Variants in THSD4 observed in about 807,000 individuals in gnomAD.
The protein encoded by THSD4 is thrombospondin type-1 domain-containing protein 4.
Under a neutral mutation model 119.0 loss-of-function variants are expected in THSD4, and 69 were observed. The ratio of observed to expected loss-of-function variants is 0.58; its 90% confidence interval spans 0.48 to 0.71. THSD4 has a LOEUF of 0.71. Ranked by LOEUF, THSD4 falls within the 30% of genes least tolerant of loss-of-function variation. The probability of loss-of-function intolerance (pLI) is 0.00; values close to 1 mark genes in which losing one functional copy is unlikely to be tolerated. For missense variants in THSD4, 1,393 were observed against 1,391.1 expected (o/e 1.00, Z -0.02); for synonymous variants, 524 against 540.4 (o/e 0.97, Z 0.42).
intron 7 of THSD4, among the ~76,000 whole-genome samples, chr15:71,518,897 C>T (rs1454149744): frequency 6.6e-6 from 1 of 152,158 alleles, no homozygotes; most frequent in Non-Finnish European, 1.5e-5. Context: ...AAAGGCAACA[C>T]TCCTGATCTT....
intron 7 of THSD4, among the ~76,000 whole-genome samples, chr15:71,631,600 A>G (rs942692740): frequency 1.3e-5 from 2 of 152,216 alleles, no homozygotes; most frequent in African/African-American, 2.4e-5. Context: ...AGTAGGATGT[A>G]TCTTAGAGAT....
intron 7 of THSD4, among the ~76,000 whole-genome samples, chr15:71,614,500 G>A (rs556136327): frequency 1.3e-3 from 198 of 152,198 alleles, no homozygotes; most frequent in African/African-American, 4.6e-3. Context: ...ACCTATCCCC[G>A]ATGACCTAAC....
At chr15:71,423,494 A>C (rs1005016123) in intron 7 of THSD4, among the ~76,000 whole-genome samples, 1 of 152,164 alleles carries the variant, frequency 6.6e-6, no homozygotes, top group African/African-American at 2.4e-5. Context: ...GTCTTCTGGG[A>C]ACTACGGCCT....
At chr15:71,142,313 C>T (rs1416982126) in intron 2 of THSD4, among the ~76,000 whole-genome samples, 1 of 152,056 alleles carries the variant, frequency 6.6e-6, no homozygotes, top group East Asian at 1.9e-4. Flanking sequence ...TCATGGCTGT[C>T]ACCTTCCTTT....
At chr15:71,404,623 C>T (rs537440967) in intron 6 of THSD4, among the ~76,000 whole-genome samples, 13 of 152,212 alleles carry the variant, frequency 8.5e-5, no homozygotes, top group African/African-American at 3.1e-4. Flanking sequence ...GAGGTAGGAC[C>T]TTTTGGAATT....
chr15:71,617,482 C>T (rs923260940), intron 7 of THSD4, among the ~76,000 whole-genome samples: 1 of 152,136 alleles, frequency 6.6e-6, no homozygotes, highest in Non-Finnish European at 1.5e-5. Context: ...TCCCAGGACT[C>T]AATTAACCTC....
intron 8 of THSD4, among the ~76,000 whole-genome samples, chr15:71,673,526 T>C (rs889912888): frequency 1.3e-5 from 2 of 152,214 alleles, no homozygotes; most frequent in Admixed American, 1.3e-4. Context: ...TCTTGCCTTC[T>C]GTTAGCTTTT....
chr15:71,458,314 A>C (rs2140603990), intron 7 of THSD4, among the ~76,000 whole-genome samples: 1 of 152,334 alleles, frequency 6.6e-6, no homozygotes, highest in Non-Finnish European at 1.5e-5. Context: ...TACACTGTGG[A>C]AAGAGCCTGG....
chr15:71,773,226 A>AAAG (rs2053855902), intron 17 of THSD4, among the ~76,000 whole-genome samples: 1 of 151,504 alleles, frequency 6.6e-6, no homozygotes. Context: ...GAAAAAGAAA[A>AAAG]AAGAAAAGAA....
At chr15:71,567,543 A>G (rs890838271) in intron 7 of THSD4, among the ~76,000 whole-genome samples, 3 of 151,998 alleles carry the variant, frequency 2.0e-5, no homozygotes, top group African/African-American at 4.8e-5. Flanking sequence ...GTACCGCTAT[A>G]GGAGCATTAC....
intron 11 of THSD4, 132 bp downstream of exon 11, chr15:71,738,139 T>G: frequency 8.1e-7 from 1 of 1,237,224 alleles, no homozygotes; most frequent in Non-Finnish European, 1.1e-6. Context: ...TCTCCATGGA[T>G]GGTGGCGGGG....
At chr15:71,282,140 G>A (rs1222144707) in intron 6 of THSD4, among the ~76,000 whole-genome samples, 1 of 152,196 alleles carries the variant, frequency 6.6e-6, no homozygotes, top group Non-Finnish European at 1.5e-5. Context: ...GATGAGGTCA[G>A]CTAACTTATG....
Position 71,720,022 on chromosome 15 carries a change from CT to C in THSD4, c.1358-8514del, listed in dbSNP as rs750020826. ...CAAATTTGCTGTGTAATAACATGTG[CT>C]TTTTTTTTTTTTCTTTTTTTTTTTT... On this transcript the variant is annotated intron_variant, in intron 8 of 17. Coordinates refer to ENST00000261862, the MANE Select transcript of THSD4 (RefSeq NM_024817.3). 3.7e-3 allele frequency among the ~76,000 whole-genome samples: 420 copies of C among 114,490 alleles called. 17 individuals are homozygous for C. Among genetic ancestry groups the C allele is most frequent in the Middle Eastern group, 6.7e-3 (1 of 150 alleles). The allele number at this position is 114,490 out of a possible 152,430, so 75.1% of individuals were successfully genotyped here. A position where few individuals can be genotyped will look rare whatever the true frequency, so the allele number is the denominator to read the frequency against.
chr15:71,365,014 C>A (rs1302749726), intron 6 of THSD4, among the ~76,000 whole-genome samples: 1 of 152,084 alleles, frequency 6.6e-6, no homozygotes, highest in African/African-American at 2.4e-5. Flanking sequence ...GTTTTGGCAC[C>A]TAAAACTGCA....
At chr15:71,771,645 T>A (rs2053825794) in intron 17 of THSD4, among the ~76,000 whole-genome samples, 1 of 152,110 alleles carries the variant, frequency 6.6e-6, no homozygotes, top group African/African-American at 2.4e-5. Context: ...GGTCTGACCA[T>A]CTCTCAGAGG....
intron 7 of THSD4, among the ~76,000 whole-genome samples, chr15:71,655,526 C>T (rs1409502570): frequency 2.0e-5 from 3 of 152,102 alleles, no homozygotes; most frequent in African/African-American, 7.2e-5. Flanking sequence ...ACAAAGATGA[C>T]AAAACCCAGC....
At chr15:71,701,416 T>C (rs8027960) in intron 8 of THSD4, among the ~76,000 whole-genome samples, 56,006 of 151,904 alleles carry the variant, frequency 0.37, 11,390 homozygotes, top group East Asian at 0.54. Context: ...AAGTATTGAG[T>C]GTATAATGTA....
intron 6 of THSD4, among the ~76,000 whole-genome samples, chr15:71,319,660 T>C (rs905286416): frequency 3.3e-5 from 5 of 152,060 alleles, no homozygotes; most frequent in Non-Finnish European, 1.5e-5. Flanking sequence ...GATGGACATT[T>C]GGGTTAGTTC....
At chr15:71,264,130 A>G (rs1390081693) in intron 6 of THSD4, among the ~76,000 whole-genome samples, 2 of 152,260 alleles carry the variant, frequency 1.3e-5, no homozygotes, top group African/African-American at 4.8e-5. Flanking sequence ...AGATAAAAAC[A>G]TAGACAATAT....
Sources: allele counts gnomAD v4.1 joint callset (sites outside exome capture counted in the v4.1 genomes callset), GRCh38; gene constraint gnomAD v4.1.1; transcripts MANE v1.5; gene names NCBI Gene and HGNC (gene_info 2026-07-23, HGNC 2026-07-21).